Variants in EML5 observed in about 807,000 individuals in gnomAD.
The protein encoded by EML5 is EMAP like 5.
EML5 carries 120 observed loss-of-function variants against 250.0 expected under a neutral mutation model. The observed-to-expected ratio is 0.48, with a 90% CI of 0.41 to 0.56. The LOEUF (loss-of-function observed/expected upper bound fraction) is 0.56. EML5 is among the 20% of genes least tolerant of loss of function. EML5 has a pLI of 0.00. For synonymous variants in EML5, 771 were observed against 806.5 expected (o/e 0.96, Z 0.75); for missense variants, 2,006 against 2,437.6 (o/e 0.82, Z 3.73).
rs1379271890 is a variant in EML5 at position 88,760,155 on chromosome 14, C to A, written c.198-5484G>T. On this transcript the variant is annotated intron_variant, in intron 1 of 43. Coordinates refer to ENST00000554922, the MANE Select transcript of EML5 (RefSeq NM_183387.3). The stretch of plus-strand genomic sequence containing the variant: ...TGCATTCTCTGTTTCTCTCACAGAG[C>A]AAACATTTTTTAATTTTTATGAAGT... 3.3e-5 allele frequency among the ~76,000 whole-genome samples: 5 copies of A among 152,164 alleles called. No individual in the cohort carries two copies. In the East Asian group the frequency reaches 9.6e-4, roughly 29 times the overall value.
intron 8 of EML5, among the ~76,000 whole-genome samples, chr14:88,719,578 C>T (rs2093557592): frequency 2.0e-5 from 3 of 152,074 alleles, no homozygotes; most frequent in Non-Finnish European, 4.4e-5. Context: ...GTTGATAACA[C>T]AGTGTAGCTT....
intron 10 of EML5, among the ~76,000 whole-genome samples, chr14:88,708,097 A>G (rs893049556): frequency 1.3e-5 from 2 of 152,156 alleles, no homozygotes; most frequent in Admixed American, 1.3e-4. Context: ...CTTCTCAAAG[A>G]CCCTCTTGGA....
At chr14:88,756,875 T>A (rs937406343) in intron 1 of EML5, among the ~76,000 whole-genome samples, 18 of 152,192 alleles carry the variant, frequency 1.2e-4, no homozygotes, top group Non-Finnish European at 2.2e-4. Flanking sequence ...CTTAGAGGAA[T>A]GTAATATTTG....
Position 88,694,317 on chromosome 14 carries a change from C to T in EML5, c.2529G>A (p.Trp843Ter), listed in dbSNP as rs2093028127. The T allele has an allele frequency of 1.3e-6, 2 of 1,581,316 alleles. No homozygotes were observed. Among genetic ancestry groups the T allele is most frequent in the Non-Finnish European group, 1.7e-6 (2 of 1,162,986 alleles). The change falls in exon 17 of 44, where the codon TGG (tryptophan) becomes TGA (stop). Residue 843 changes from tryptophan to a stop codon, truncating the protein, a stop_gained. Transcript: ENST00000554922. LOFTEE classifies it high-confidence loss of function. ...GAAGCACTTTCTTACCTGCTTTACG[C>T]CAAAATTTCATGTGTTTAATTCCAG... ...ITAGIKHMKFWRKAGGGLIGR... is the reference protein window; with the variant it reads ...ITAGIKHMKF
chr14:88,682,385 C>T (rs1451348610), intron 20 of EML5, among the ~76,000 whole-genome samples: 3 of 149,970 alleles, frequency 2.0e-5, no homozygotes, highest in Admixed American at 2.0e-4. Flanking sequence ...ACCTGCTCAC[C>T]AGTGAAACTA....
intron 21 of EML5, among the ~76,000 whole-genome samples, chr14:88,667,825 T>A (rs548486811): frequency 6.6e-6 from 1 of 152,334 alleles, no homozygotes; most frequent in East Asian, 1.9e-4. Context: ...ACAATTTAGC[T>A]GCAATTTGCG....
At chr14:88,639,643 C>T (rs1046936046) in intron 31 of EML5, among the ~76,000 whole-genome samples, 1 of 152,120 alleles carries the variant, frequency 6.6e-6, no homozygotes, top group Non-Finnish European at 1.5e-5. Flanking sequence ...ATGGTGTAAT[C>T]CTGGCTCATT....
chr14:88,724,273 C>T (rs887613885), intron 8 of EML5, among the ~76,000 whole-genome samples: 1 of 80,730 alleles, frequency 1.2e-5, no homozygotes, highest in Non-Finnish European at 2.7e-5. Flanking sequence ...GACTCCATAT[C>T]AAAAAAAAAA....
At chr14:88,783,032 T>C (rs1024943557) in intron 1 of EML5, among the ~76,000 whole-genome samples, 1 of 151,984 alleles carries the variant, frequency 6.6e-6, no homozygotes, top group African/African-American at 2.4e-5. Flanking sequence ...TAAGCCAAGA[T>C]TGAGCCACTG....
chr14:88,774,413 G>A (rs557624576), intron 1 of EML5, among the ~76,000 whole-genome samples: 2 of 152,304 alleles, frequency 1.3e-5, no homozygotes, highest in South Asian at 4.1e-4. Flanking sequence ...ACATTGGAAC[G>A]AATCTTGAAA....
At chr14:88,763,296 G>A (rs997167450) in intron 1 of EML5, among the ~76,000 whole-genome samples, 1 of 151,662 alleles carries the variant, frequency 6.6e-6, no homozygotes, top group African/African-American at 2.4e-5. Context: ...GAATCAAATA[G>A]ACACAATAAA....
chr14:88,739,132 A>G (rs2093888493), intron 5 of EML5, 118 bp from the exon 6 acceptor site: 2 of 930,058 alleles, frequency 2.2e-6, no homozygotes, highest in Non-Finnish European at 3.1e-6. Context: ...AAGAATAAAC[A>G]AATACATCAG....
chr14:88,672,187 T>C (rs564869809), intron 21 of EML5, among the ~76,000 whole-genome samples: 1 of 152,018 alleles, frequency 6.6e-6, no homozygotes, highest in South Asian at 2.1e-4. Flanking sequence ...AGAACTGAAA[T>C]CATAACAGTC....
At chr14:88,639,691 C>T (rs1472165897) in intron 31 of EML5, among the ~76,000 whole-genome samples, 2 of 152,032 alleles carry the variant, frequency 1.3e-5, no homozygotes, top group African/African-American at 2.4e-5. Context: ...ATTCTCATGC[C>T]TCAGCCTCCC....
At chr14:88,765,755 ATTTATATT>A (rs2094312330) in intron 1 of EML5, among the ~76,000 whole-genome samples, 1 of 152,134 alleles carries the variant, frequency 6.6e-6, no homozygotes, top group Admixed American at 6.6e-5. Flanking sequence ...CTGGAGAATT[ATTTATATT>A]TTTATATTTT....
At position 88,685,156 on chromosome 14, in the gene EML5, T is replaced by C. The variant is rs1224907260; in HGVS notation, c.2855-14A>G. On this transcript the variant is annotated splice_polypyrimidine_tract_variant and intron_variant, in intron 19 of 43. Transcript: ENST00000554922. ...CCAAGAGAAGACCTGAAATGTTAAA[T>C]GAAGATGTTCTTTTAGACATACAGT... The C allele has an allele frequency of 1.3e-6, 2 of 1,592,192 alleles. No individual in the cohort carries two copies. Among genetic ancestry groups the C allele is most frequent in the Non-Finnish European group, 8.5e-7 (1 of 1,169,820 alleles).
intron 11 of EML5, chr14:88,705,903 T>C (rs1486336502): frequency 1.8e-6 from 1 of 562,776 alleles, no homozygotes; most frequent in Middle Eastern, 2.7e-4. Context: ...TAGCTAAAAA[T>C]ACTATATGCA....
chr14:88,736,835 T>C (rs533527023), intron 6 of EML5, among the ~76,000 whole-genome samples: 1 of 152,240 alleles, frequency 6.6e-6, no homozygotes, highest in Non-Finnish European at 1.5e-5. Flanking sequence ...TTTTTTTTTA[T>C]AGTGTTGTGC....
At chr14:88,704,074 A>C (rs1048727453) in intron 13 of EML5, among the ~76,000 whole-genome samples, 2 of 152,108 alleles carry the variant, frequency 1.3e-5, no homozygotes, top group Non-Finnish European at 2.9e-5. Context: ...GTGCTGTCCA[A>C]ATCCCATGCT....
Sources: gnomAD v4.1 joint callset for allele counts (sites outside exome capture counted in the v4.1 genomes callset) on GRCh38, gnomAD v4.1.1 for gene constraint, MANE v1.5 for transcripts, NCBI Gene and HGNC (gene_info 2026-07-23, HGNC 2026-07-21) for gene names.